The following IGFL2 variants were observed in gnomAD, a reference collection of about 807,000 sequenced individuals.
IGFL2 encodes insulin growth factor-like family member 2.
In IGFL2, 7 loss-of-function variants were observed where a neutral mutation model predicts 13.9. The observed-to-expected ratio is 0.51, with a 90% CI of 0.29 to 0.95. The LOEUF (loss-of-function observed/expected upper bound fraction) is 0.95, where lower values mean the gene tolerates loss of function less well. Among genes scored for constraint, IGFL2 ranks in the 40% least tolerant of loss-of-function variants. The probability of loss-of-function intolerance (pLI) is 0.08; values close to 1 mark genes in which losing one functional copy is unlikely to be tolerated. For synonymous variants in IGFL2, 55 were observed against 55.8 expected, an observed-to-expected ratio of 0.99 and a Z score of 0.07; for missense variants, 138 against 147.8, an observed-to-expected ratio of 0.93 and a Z score of 0.34.
the IGFL2 span, chr19:46,195,767 C>T: frequency 3.3e-5 from 5 of 152,270 alleles, no homozygotes; most frequent in African/African-American, 4.8e-5. Context: ...GGTCTGGACA[C>T]CCTGTGGCTT....
chr19:46,149,174 TCTTC>T, intron 1 of IGFL2: 4 of 612,400 alleles, frequency 6.5e-6, no homozygotes, highest in South Asian at 3.6e-5. Flanking sequence ...TCTCTCTCTC[TCTTC>T]TCTCTCTCTT....
chr19:46,171,662 C>T, the IGFL2 span, among the ~76,000 whole-genome samples: 1 of 152,134 alleles, frequency 6.6e-6, no homozygotes, highest in Admixed American at 6.6e-5. Flanking sequence ...TCTCATATTC[C>T]ATAGGTCTAG....
At chr19:46,130,510 T>A in the IGFL2 span, among the ~76,000 whole-genome samples, 95,563 of 152,022 alleles carry the variant, frequency 0.63, 30,838 homozygotes, top group Middle Eastern at 0.7. Context: ...TACATGCTGT[T>A]TATTGAGGTT....
the IGFL2 span, among the ~76,000 whole-genome samples, chr19:46,108,171 C>G: frequency 6.6e-6 from 1 of 151,596 alleles, no homozygotes; most frequent in Non-Finnish European, 1.5e-5. Context: ...TCAGATGAGT[C>G]TGTAGTAAAG....
intron 1 of IGFL2, among the ~76,000 whole-genome samples, chr19:46,149,646 G>A (rs554549402): frequency 4.0e-5 from 6 of 151,716 alleles, no homozygotes; most frequent in Non-Finnish European, 8.8e-5. Context: ...GTGACCTTTC[G>A]TGTAACTTTT....
intron 1 of IGFL2, among the ~76,000 whole-genome samples, chr19:46,153,954 A>G (rs1172901709): frequency 6.6e-6 from 1 of 151,860 alleles, no homozygotes; most frequent in African/African-American, 2.4e-5. Context: ...CCCCGCATGC[A>G]TTAGGTATTT....
the IGFL2 span, among the ~76,000 whole-genome samples, chr19:46,121,204 C>T: frequency 1.4e-4 from 21 of 148,856 alleles, no homozygotes; most frequent in Non-Finnish European, 2.5e-4. Context: ...ATAATGAAAA[C>T]CTGTCTCTAC....
At chr19:46,079,850 A>G in the IGFL2 span, among the ~76,000 whole-genome samples, 4 of 152,178 alleles carry the variant, frequency 2.6e-5, no homozygotes, top group African/African-American at 9.7e-5. Flanking sequence ...AGTATTTGCA[A>G]ACTCAGAACA....
At chr19:46,129,970 T>C in the IGFL2 span, among the ~76,000 whole-genome samples, 11 of 152,172 alleles carry the variant, frequency 7.2e-5, no homozygotes, top group African/African-American at 2.7e-4. Context: ...TATTGAAGTT[T>C]CCCACTATTA....
chr19:46,198,023 C>CTCCCTTCCT, the IGFL2 span: 1 of 108,310 alleles, frequency 9.2e-6, no homozygotes, highest in Non-Finnish European at 1.9e-5. Context: ...CCCTCCCTCC[C>CTCCCTTCCT]TCCCTTCCTT....
intron 1 of IGFL2, among the ~76,000 whole-genome samples, chr19:46,158,870 G>T (rs1973971536): frequency 2.0e-5 from 3 of 152,120 alleles, no homozygotes; most frequent in Admixed American, 1.3e-4. Context: ...GTGGCAGCAG[G>T]TGGGGGATGG....
the IGFL2 span, among the ~76,000 whole-genome samples, chr19:46,200,259 C>A: frequency 6.6e-6 from 1 of 152,062 alleles, no homozygotes; most frequent in Non-Finnish European, 1.5e-5. Context: ...ACTTCCACTT[C>A]TCAGGCTCAG....
At chr19:46,151,779 G>A (rs546900714) in intron 1 of IGFL2, among the ~76,000 whole-genome samples, 5 of 152,156 alleles carry the variant, frequency 3.3e-5, no homozygotes, top group Admixed American at 6.5e-5. Context: ...CAGGCATGCG[G>A]TGTGCGTCTG....
the IGFL2 span, among the ~76,000 whole-genome samples, chr19:46,188,307 T>C: frequency 6.6e-6 from 1 of 152,074 alleles, no homozygotes; most frequent in Non-Finnish European, 1.5e-5. Flanking sequence ...TAGACACCCA[T>C]TTATTTGTTT....
chr19:46,153,296 G>A (rs553616680), intron 1 of IGFL2, among the ~76,000 whole-genome samples: 6 of 152,282 alleles, frequency 3.9e-5, no homozygotes, highest in South Asian at 4.1e-4. Flanking sequence ...GGCATTTCCC[G>A]TGTATGGGTA....
At chr19:46,179,878 T>C in the IGFL2 span, among the ~76,000 whole-genome samples, 1 of 152,006 alleles carries the variant, frequency 6.6e-6, no homozygotes, top group East Asian at 1.9e-4. Context: ...ATTGTGCCAC[T>C]GCACTCCAGC....
At chr19:46,173,909 A>G in the IGFL2 span, 1 of 152,246 alleles carries the variant, frequency 6.6e-6, no homozygotes, top group Non-Finnish European at 1.5e-5. Context: ...GTATGCAATT[A>G]TTGATCTGGC....
the IGFL2 span, among the ~76,000 whole-genome samples, chr19:46,097,291 G>A: frequency 6.6e-6 from 1 of 152,184 alleles, no homozygotes; most frequent in South Asian, 2.1e-4. Flanking sequence ...AAATTTTCTA[G>A]TTTATTTGCG....
chr19:46,111,911 G>C, the IGFL2 span: 1 of 152,112 alleles, frequency 6.6e-6, no homozygotes, highest in Non-Finnish European at 1.5e-5. Flanking sequence ...ACCTGTAAAT[G>C]TACACCCCGA....
Sources: allele counts gnomAD v4.1 joint callset (sites outside exome capture counted in the v4.1 genomes callset), GRCh38; gene constraint gnomAD v4.1.1; transcripts MANE v1.5; gene names NCBI Gene and HGNC (gene_info 2026-07-23, HGNC 2026-07-21).